The following SH3BGRL2 variants were observed in gnomAD, a reference collection of about 807,000 sequenced individuals.
SH3BGRL2 encodes the protein SH3 domain binding glutamate rich protein like 2.
A neutral mutation model predicts 14.8 loss-of-function variants in SH3BGRL2; 21 were observed. That is an observed-to-expected ratio of 1.42 (90% CI 1.01 to 2.05). The LOEUF (loss-of-function observed/expected upper bound fraction) is 2.05. SH3BGRL2 is among the 30% of genes most tolerant of loss of function. The pLI, the probability that SH3BGRL2 is intolerant of heterozygous loss-of-function variation, is 0.00. For missense variants in SH3BGRL2, 147 were observed against 130.8 expected (o/e 1.12, Z -0.61); for synonymous variants, 50 against 47.8 (o/e 1.05, Z -0.19).
chr6:79,540,457 A>AAAT, the SH3BGRL2 span, among the ~76,000 whole-genome samples: 3 of 151,240 alleles, frequency 2.0e-5, no homozygotes, highest in South Asian at 2.1e-4. Context: ...ATAAATAAAT[A>AAAT]AAATAAATAA....
intron 1 of SH3BGRL2, among the ~76,000 whole-genome samples, chr6:79,666,879 A>C (rs899405491): frequency 3.3e-5 from 5 of 152,210 alleles, no homozygotes; most frequent in African/African-American, 1.2e-4. Context: ...GTTGTGTTGA[A>C]TATCTAAAGC....
At chr6:79,621,764 T>G in the SH3BGRL2 span, among the ~76,000 whole-genome samples, 1,491 of 152,250 alleles carry the variant, frequency 9.8e-3, 23 homozygotes, top group African/African-American at 0.035. Flanking sequence ...CTTCTTGATA[T>G]ACACTTTCTA....
intron 1 of SH3BGRL2, among the ~76,000 whole-genome samples, chr6:79,668,925 C>G (rs1489671391): frequency 6.6e-6 from 1 of 152,160 alleles, no homozygotes; most frequent in Non-Finnish European, 1.5e-5. Flanking sequence ...GCATCCTAAG[C>G]ACAATGCTTT....
chr6:79,577,649 G>A, the SH3BGRL2 span, among the ~76,000 whole-genome samples: 1 of 152,192 alleles, frequency 6.6e-6, no homozygotes, highest in African/African-American at 2.4e-5. Context: ...AACAAAGGAT[G>A]TAAGGGGAAG....
intron 1 of SH3BGRL2, among the ~76,000 whole-genome samples, chr6:79,639,030 C>CA (rs1562144520): frequency 6.6e-6 from 1 of 151,844 alleles, no homozygotes; most frequent in Non-Finnish European, 1.5e-5. Flanking sequence ...TTTTAAAAAT[C>CA]AAAAATTGAA....
chr6:79,576,299 A>T, the SH3BGRL2 span, among the ~76,000 whole-genome samples: 1 of 152,160 alleles, frequency 6.6e-6, no homozygotes, highest in African/African-American at 2.4e-5. Context: ...CTCTGTGTTC[A>T]CTTTCCTTCT....
At chr6:79,575,099 T>C in the SH3BGRL2 span, 1 of 152,230 alleles carries the variant, frequency 6.6e-6, no homozygotes, top group Non-Finnish European at 1.5e-5. Flanking sequence ...GAAGAAGACC[T>C]ACCTCTCAAT....
the SH3BGRL2 span, among the ~76,000 whole-genome samples, chr6:79,573,415 A>G: frequency 6.1e-4 from 93 of 152,214 alleles, 1 homozygote; most frequent in African/African-American, 2.2e-3. Flanking sequence ...TTAAGTCTTA[A>G]TATCAGGATG....
the SH3BGRL2 span, among the ~76,000 whole-genome samples, chr6:79,591,624 T>C: frequency 6.6e-6 from 1 of 152,180 alleles, no homozygotes; most frequent in South Asian, 2.1e-4. Context: ...GTCAGGATGG[T>C]CTCGATCTCC....
the SH3BGRL2 span, among the ~76,000 whole-genome samples, chr6:79,617,587 A>C: frequency 6.6e-6 from 1 of 152,014 alleles, no homozygotes; most frequent in Non-Finnish European, 1.5e-5. Context: ...TCGGTCCCTC[A>C]AACTTTGCTG....
In SH3BGRL2 at chr6:79,668,458, A is replaced by C. The variant is rs549520469; in HGVS notation, c.46-5156A>C. ...CAGGGCCCTGTGGGGGTGAGTCACG[A>C]GGGCTTGGGTGCAGGCATTGGGGTC... On this transcript the variant is annotated intron_variant, in intron 1 of 3. Transcript: ENST00000369838. Among the ~76,000 whole-genome samples, 34 of 151,996 alleles carry C rather than the reference A, an allele frequency of 2.2e-4. 1 individual carries two copies. The highest frequency in any genetic ancestry group is 1.0e-3 in the Admixed American group (16 of 15,274).
At chr6:79,605,632 A>C in the SH3BGRL2 span, among the ~76,000 whole-genome samples, 2 of 152,208 alleles carry the variant, frequency 1.3e-5, no homozygotes, top group Non-Finnish European at 2.9e-5. Context: ...GCCAATATGA[A>C]ATCTGTAGCA....
At chr6:79,644,133 C>A (rs559820504) in intron 1 of SH3BGRL2, among the ~76,000 whole-genome samples, 2 of 152,168 alleles carry the variant, frequency 1.3e-5, no homozygotes, top group Non-Finnish European at 2.9e-5. Context: ...TCATCCTTTA[C>A]ATCTTGAACC....
At chr6:79,645,682 G>A (rs1456142990) in intron 1 of SH3BGRL2, among the ~76,000 whole-genome samples, 1 of 152,200 alleles carries the variant, frequency 6.6e-6, no homozygotes, top group South Asian at 2.1e-4. Context: ...AGAAGAATGG[G>A]AGCCAGCAAG....
the SH3BGRL2 span, among the ~76,000 whole-genome samples, chr6:79,610,838 C>T: frequency 6.6e-6 from 1 of 152,116 alleles, no homozygotes; most frequent in Non-Finnish European, 1.5e-5. Context: ...CTTCCTGTTG[C>T]ATATCATCTG....
intron 1 of SH3BGRL2, among the ~76,000 whole-genome samples, chr6:79,658,295 C>T (rs1002816116): frequency 2.0e-5 from 3 of 152,172 alleles, no homozygotes; most frequent in Non-Finnish European, 4.4e-5. Context: ...CTCACCCAGG[C>T]CCCCACCACC....
chr6:79,631,446 C>T lies in SH3BGRL2; in HGVS notation c.-16C>T, dbSNP rs758184255. 33 of 1,517,540 alleles carry T rather than the reference C, an allele frequency of 2.2e-5. No homozygotes were observed. The highest frequency in any genetic ancestry group is 4.2e-5 in the Admixed American group (2 of 47,650). 94.0% of individuals were successfully genotyped at this position (1,517,540 alleles called of 1,614,324 possible). On this transcript the variant is annotated 5_prime_UTR_variant, in exon 1 of 4. Coordinates refer to ENST00000369838, the MANE Select transcript of SH3BGRL2 (RefSeq NM_031469.4). ...AGCCCGGGGGGCAAGGGGTCTGTCC[C>T]GGGCGCAGCGAGAGGATGGTCATCC...
chr6:79,697,798 C>G (rs1224590466), intron 3 of SH3BGRL2, among the ~76,000 whole-genome samples: 1 of 152,090 alleles, frequency 6.6e-6, no homozygotes, highest in Non-Finnish European at 1.5e-5. Flanking sequence ...GATTTATCTT[C>G]AAAGAACTGG....
the SH3BGRL2 span, among the ~76,000 whole-genome samples, chr6:79,621,214 C>A: frequency 9.2e-4 from 140 of 152,180 alleles, no homozygotes; most frequent in African/African-American, 3.3e-3. Flanking sequence ...ATATGGAAAT[C>A]AAGGCACAGA....
Sources: gnomAD v4.1 joint callset for allele counts (sites outside exome capture counted in the v4.1 genomes callset) on GRCh38, gnomAD v4.1.1 for gene constraint, MANE v1.5 for transcripts, NCBI Gene and HGNC (gene_info 2026-07-23, HGNC 2026-07-21) for gene names.